Variants in CSMD1 observed in about 807,000 individuals in gnomAD.
CSMD1 encodes CUB and Sushi multiple domains 1.
A neutral mutation model predicts 417.5 loss-of-function variants in CSMD1; 213 were observed. The observed-to-expected ratio is 0.51, with a 90% CI of 0.46 to 0.57. The LOEUF (loss-of-function observed/expected upper bound fraction) is 0.57. Among genes scored for constraint, CSMD1 ranks in the 20% least tolerant of loss-of-function variants. CSMD1 has a pLI of 0.00. For synonymous variants in CSMD1, 2,862 were observed against 1,736.8 expected (o/e 1.65, Z -16.11); for missense variants, 6,923 against 4,529.7 (o/e 1.53, Z -15.17).
chr8:4,276,353 T>A (rs1306019317), intron 3 of CSMD1, among the ~76,000 whole-genome samples: 1 of 152,154 alleles, frequency 6.6e-6, no homozygotes, highest in African/African-American at 2.4e-5. Flanking sequence ...AAACCGTCAT[T>A]GTCAGCAAAC....
intron 5 of CSMD1, among the ~76,000 whole-genome samples, chr8:3,887,866 A>G (rs1806670934): frequency 6.6e-6 from 1 of 152,216 alleles, no homozygotes; most frequent in Admixed American, 6.5e-5. Context: ...AGTCTTATTC[A>G]TGCTTTTATG....
At chr8:4,378,049 C>T (rs1435614346) in intron 3 of CSMD1, among the ~76,000 whole-genome samples, 2 of 152,146 alleles carry the variant, frequency 1.3e-5, no homozygotes, top group Non-Finnish European at 2.9e-5. Flanking sequence ...GTAAGTGTAA[C>T]ACCCACTACT....
chr8:3,176,939 G>A (rs1168326871), intron 37 of CSMD1, among the ~76,000 whole-genome samples: 1 of 151,852 alleles, frequency 6.6e-6, no homozygotes, highest in Non-Finnish European at 1.5e-5. Flanking sequence ...CACCATGCCT[G>A]GCTAATTTTT....
At chr8:3,866,503 C>T (rs369664951) in intron 5 of CSMD1, among the ~76,000 whole-genome samples, 12 of 152,146 alleles carry the variant, frequency 7.9e-5, no homozygotes, top group African/African-American at 1.4e-4. Context: ...GGGTGCCTGA[C>T]GTGGTAAAGC....
At position 4,579,413 on chromosome 8, in the gene CSMD1, C is replaced by T. The variant is rs183046627; in HGVS notation, c.302+57929G>A. ...TGCTCTCATCCTCCAGGCTGGTGTA[C>T]AATGGCGTGATCTCAGCTCAGTGCA... On this transcript the variant is annotated intron_variant, in intron 2 of 69. Transcript: ENST00000635120. Among the ~76,000 whole-genome samples the T allele has an allele frequency of 6.6e-4, 100 of 151,994 alleles. 1 individual carries two copies. Among genetic ancestry groups the T allele is most frequent in the African/African-American group, 2.3e-3 (95 of 41,442 alleles).
At chr8:4,762,889 T>C (rs1405589411) in intron 1 of CSMD1, among the ~76,000 whole-genome samples, 1 of 152,218 alleles carries the variant, frequency 6.6e-6, no homozygotes, top group Non-Finnish European at 1.5e-5. Context: ...ATCTCATTTA[T>C]ACACCCTGCC....
intron 3 of CSMD1, among the ~76,000 whole-genome samples, chr8:4,320,036 A>T (rs1403035602): frequency 2.0e-5 from 3 of 152,204 alleles, no homozygotes; most frequent in African/African-American, 7.2e-5. Context: ...TCAACAATGA[A>T]AAAAATGAGT....
At chr8:4,831,689 G>A (rs555913044) in intron 1 of CSMD1, among the ~76,000 whole-genome samples, 6 of 152,256 alleles carry the variant, frequency 3.9e-5, no homozygotes, top group Admixed American at 2.0e-4. Flanking sequence ...CAATGAAATG[G>A]TCAATAAATA....
intron 2 of CSMD1, among the ~76,000 whole-genome samples, chr8:4,522,301 G>A (rs1803500977): frequency 6.6e-6 from 1 of 152,098 alleles, no homozygotes; most frequent in South Asian, 2.1e-4. Flanking sequence ...TAATTGTGAG[G>A]CCTCCCCAGC....
At chr8:3,838,575 A>G (rs1300330060) in intron 5 of CSMD1, among the ~76,000 whole-genome samples, 2 of 142,354 alleles carry the variant, frequency 1.4e-5, no homozygotes, top group Non-Finnish European at 3.0e-5. Context: ...TAGTCTCTCT[A>G]TATATCTATA....
chr8:4,942,005 T>C (rs1808034982), intron 1 of CSMD1, among the ~76,000 whole-genome samples: 1 of 152,214 alleles, frequency 6.6e-6, no homozygotes, highest in Admixed American at 6.5e-5. Flanking sequence ...CTGAATCAAA[T>C]CATTACAGTC....
intron 10 of CSMD1, among the ~76,000 whole-genome samples, chr8:3,533,208 G>T (rs955381039): frequency 6.6e-6 from 1 of 152,140 alleles, no homozygotes; most frequent in African/African-American, 2.4e-5. Context: ...CCTAAAACCA[G>T]ATGCCTATTT....
At chr8:3,518,415 C>T (rs911517945) in intron 10 of CSMD1, among the ~76,000 whole-genome samples, 15 of 152,136 alleles carry the variant, frequency 9.9e-5, no homozygotes, top group Admixed American at 2.0e-4. Context: ...TAGAAATAGA[C>T]GGAGACACAC....
At chr8:3,610,997 C>T (rs1044534347) in intron 8 of CSMD1, among the ~76,000 whole-genome samples, 2 of 148,034 alleles carry the variant, frequency 1.4e-5, no homozygotes, top group Admixed American at 1.4e-4. Context: ...AAACCAAACA[C>T]CGCATGTTCT....
intron 3 of CSMD1, among the ~76,000 whole-genome samples, chr8:4,335,389 T>C (rs1330118064): frequency 6.6e-6 from 1 of 152,098 alleles, no homozygotes; most frequent in Non-Finnish European, 1.5e-5. Context: ...ATCTTCTGAA[T>C]ACATTAACAT....
intron 5 of CSMD1, among the ~76,000 whole-genome samples, chr8:3,784,616 G>C (rs1799348404): frequency 1.3e-5 from 2 of 152,216 alleles, no homozygotes; most frequent in Admixed American, 1.3e-4. Flanking sequence ...GCAAAGAACA[G>C]AAAAATGAAT....
intron 5 of CSMD1, among the ~76,000 whole-genome samples, chr8:3,791,503 T>C (rs573356077): frequency 1.0e-3 from 158 of 152,314 alleles, no homozygotes; most frequent in South Asian, 1.0e-2. Context: ...AAGTCATCTC[T>C]ACAACAAGGG....
At chr8:3,179,609 C>A (rs901329297) in intron 37 of CSMD1, among the ~76,000 whole-genome samples, 4 of 152,100 alleles carry the variant, frequency 2.6e-5, no homozygotes, top group Non-Finnish European at 5.9e-5. Flanking sequence ...ATTTCACTAG[C>A]CCCTCTTTCC....
At chr8:3,173,947 T>A (rs901232703) in intron 37 of CSMD1, among the ~76,000 whole-genome samples, 12 of 152,220 alleles carry the variant, frequency 7.9e-5, no homozygotes, top group African/African-American at 2.9e-4. Context: ...ATGTTTCATT[T>A]CAAAGGACAT....
Sources: gnomAD v4.1 joint callset for allele counts (sites outside exome capture counted in the v4.1 genomes callset) on GRCh38, gnomAD v4.1.1 for gene constraint, MANE v1.5 for transcripts, NCBI Gene and HGNC (gene_info 2026-07-23, HGNC 2026-07-21) for gene names.